Variants in TMEM135 observed in about 807,000 individuals in gnomAD.
The protein encoded by TMEM135 is peroxisomal membrane protein 52.
In TMEM135, 30 loss-of-function variants were observed where a neutral mutation model predicts 60.3. The ratio of observed to expected loss-of-function variants is 0.50; its 90% confidence interval spans 0.37 to 0.68. The LOEUF (loss-of-function observed/expected upper bound fraction) is 0.68, where lower values mean the gene tolerates loss of function less well. Among genes scored for constraint, TMEM135 ranks in the 30% least tolerant of loss-of-function variants. The pLI, the probability that TMEM135 is intolerant of heterozygous loss-of-function variation, is 0.00. For synonymous variants in TMEM135, 190 were observed against 186.7 expected, an observed-to-expected ratio of 1.02 and a Z score of -0.14; for missense variants, 468 against 548.8, an observed-to-expected ratio of 0.85 and a Z score of 1.47.
At chr11:87,094,091 T>C (rs1174319473) in intron 4 of TMEM135, among the ~76,000 whole-genome samples, 2 of 152,218 alleles carry the variant, frequency 1.3e-5, no homozygotes, top group African/African-American at 4.8e-5. Flanking sequence ...ATACTGATTT[T>C]ATACAAGGAA....
intron 4 of TMEM135, among the ~76,000 whole-genome samples, chr11:87,128,945 G>A (rs1025181315): frequency 6.6e-6 from 1 of 151,210 alleles, no homozygotes; most frequent in African/African-American, 2.4e-5. Flanking sequence ...AAACTCCAAT[G>A]AATTATTTCT....
chr11:87,187,881 G>C (rs1246283459), intron 5 of TMEM135, among the ~76,000 whole-genome samples: 1 of 152,120 alleles, frequency 6.6e-6, no homozygotes, highest in East Asian at 1.9e-4. Context: ...CTTATGCCTG[G>C]CTAGGGGCTG....
intron 6 of TMEM135, among the ~76,000 whole-genome samples, chr11:87,277,819 G>C (rs12289521): frequency 0.37 from 55,701 of 151,990 alleles, 10,872 homozygotes; most frequent in Non-Finnish European, 0.43. Flanking sequence ...ACCATGCCCG[G>C]CCAACTCTTA....
chr11:87,325,502 C>T lies in TMEM135; in HGVS notation c.*4169C>T, dbSNP rs779350096. The T allele has an allele frequency of 2.2e-6, 1 of 453,550 alleles. No homozygotes were observed. Among genetic ancestry groups the T allele is most frequent in the South Asian group, 1.6e-5 (1 of 64,410 alleles). The allele number at this position is 453,550 out of a possible 1,614,324, so 28.1% of individuals were successfully genotyped here. Reference sequence around the variant, plus strand: ...TGTTTTATGTGGGCTCTCTCTCTCTCCCTCTCTCTCTCTCTCTGTCTGTCT... The same window carrying T: ...TGTTTTATGTGGGCTCTCTCTCTCTTCCTCTCTCTCTCTCTCTGTCTGTCT... On this transcript the variant is annotated 3_prime_UTR_variant, in exon 15 of 15. Transcript: ENST00000305494.
intron 5 of TMEM135, among the ~76,000 whole-genome samples, chr11:87,217,356 T>C (rs1940524239): frequency 6.6e-6 from 1 of 152,172 alleles, no homozygotes; most frequent in South Asian, 2.1e-4. Context: ...AAGTTATATA[T>C]TTGAAGGGCT....
At chr11:87,281,038 A>T (rs113060757) in intron 6 of TMEM135, among the ~76,000 whole-genome samples, 1 of 152,214 alleles carries the variant, frequency 6.6e-6, no homozygotes, top group African/African-American at 2.4e-5. Context: ...GCCCCTATTT[A>T]GAGTATGTAT....
At chr11:87,184,974 T>C (rs894581202) in intron 5 of TMEM135, among the ~76,000 whole-genome samples, 2 of 152,164 alleles carry the variant, frequency 1.3e-5, no homozygotes, top group Non-Finnish European at 2.9e-5. Flanking sequence ...TTTAAACTTA[T>C]ACAAAAGTAA....
In TMEM135 at chr11:87,297,554, A is replaced by G. The variant is rs200669242; in HGVS notation, c.551+1731A>G. 4.6e-5 allele frequency among the ~76,000 whole-genome samples: 7 copies of G among 152,328 alleles called. No individual in the cohort carries two copies. The East Asian group carries it at 1.2e-3, about 25-fold the overall frequency. The stretch of plus-strand genomic sequence containing the variant: ...AACAAAAGTTAGGTTTTCAAAAGAG[A>G]AGGAAAAACTTAGTCTTGTTTTCCT... On this transcript the variant is annotated intron_variant, in intron 7 of 14. Coordinates refer to ENST00000305494, the MANE Select transcript of TMEM135 (RefSeq NM_022918.4).
chr11:87,268,647 A>G (rs756436654), intron 6 of TMEM135, among the ~76,000 whole-genome samples: 18 of 151,310 alleles, frequency 1.2e-4, no homozygotes, highest in Non-Finnish European at 2.2e-4. Context: ...GATTTAACAA[A>G]GAATTCTATT....
At chr11:87,105,320 G>T in intron 4 of TMEM135, among the ~76,000 whole-genome samples, 1 of 152,254 alleles carries the variant, frequency 6.6e-6, no homozygotes, top group Non-Finnish European at 1.5e-5. Context: ...GATCAGCAGC[G>T]GCATTAGATT....
intron 6 of TMEM135, among the ~76,000 whole-genome samples, chr11:87,276,526 A>G (rs1941969162): frequency 6.6e-6 from 1 of 151,732 alleles, no homozygotes; most frequent in South Asian, 2.1e-4. Flanking sequence ...ATATATACAC[A>G]CACATATATA....
intron 4 of TMEM135, among the ~76,000 whole-genome samples, chr11:87,146,069 T>G (rs1209747593): frequency 6.6e-6 from 1 of 152,228 alleles, no homozygotes; most frequent in Non-Finnish European, 1.5e-5. Flanking sequence ...CAGGCCTATG[T>G]TTAAGTCTTT....
At chr11:87,280,389 T>A (rs2135419645) in intron 6 of TMEM135, among the ~76,000 whole-genome samples, 1 of 152,324 alleles carries the variant, frequency 6.6e-6, no homozygotes, top group Middle Eastern at 3.4e-3. Flanking sequence ...TCAAATTCGT[T>A]TTTGGCATGG....
chr11:87,203,032 C>CAAAAAAAAAAAAAAAA (rs534909524), intron 5 of TMEM135, among the ~76,000 whole-genome samples: 14 of 33,590 alleles, frequency 4.2e-4, no homozygotes, highest in African/African-American at 1.2e-3. Context: ...GACTCCGTCT[C>CAAAAAAAAAAAAAAAA]AAAAAAAAAA....
chr11:87,070,875 C>T (rs975628477), intron 2 of TMEM135, among the ~76,000 whole-genome samples: 1 of 152,132 alleles, frequency 6.6e-6, no homozygotes, highest in Non-Finnish European at 1.5e-5. Context: ...TGAATGTCTA[C>T]CATGTGTTGA....
chr11:87,206,955 T>G (rs1451759952), intron 5 of TMEM135, among the ~76,000 whole-genome samples: 1 of 152,122 alleles, frequency 6.6e-6, no homozygotes, highest in Non-Finnish European at 1.5e-5. Flanking sequence ...TTAAAAAAAA[T>G]TATCCCCAGC....
At chr11:87,047,551 T>C (rs1292977304) in intron 1 of TMEM135, among the ~76,000 whole-genome samples, 3 of 135,226 alleles carry the variant, frequency 2.2e-5, no homozygotes, top group African/African-American at 3.0e-5. Context: ...AAGAAAGGGG[T>C]GATGGACGCA....
At chr11:87,192,934 G>T (rs1019642478) in intron 5 of TMEM135, among the ~76,000 whole-genome samples, 1 of 152,046 alleles carries the variant, frequency 6.6e-6, no homozygotes, top group African/African-American at 2.4e-5. Flanking sequence ...GGCCAACATG[G>T]GAAAACCCCG....
In TMEM135 at chr11:87,099,682, G is replaced by GTTTTTTTTTTTT. The variant is rs57019125; in HGVS notation, c.396+8296_396+8307dup. ...TATTGTGGTTACATGTTTCATGGTGGTTTTTTTTTTTTTTTTTTTTGAGGC... is the reference window on the plus strand; with the variant it reads ...TATTGTGGTTACATGTTTCATGGTGGTTTTTTTTTTTTTTTTTTTTTTTTTTTTTTTTGAGGC... On this transcript the variant is annotated intron_variant, in intron 4 of 14. Coordinates refer to ENST00000305494, the MANE Select transcript of TMEM135 (RefSeq NM_022918.4). 1.1e-3 allele frequency among the ~76,000 whole-genome samples: 122 copies of GTTTTTTTTTTTT among 109,360 alleles called. 3 individuals carry two copies. The highest frequency in any genetic ancestry group is 1.5e-3 in the Non-Finnish European group (82 of 54,086). The allele number at this position is 109,360 out of a possible 152,430, so 71.7% of individuals were successfully genotyped here.
Sources: allele counts gnomAD v4.1 joint callset (sites outside exome capture counted in the v4.1 genomes callset), GRCh38; gene constraint gnomAD v4.1.1; transcripts MANE v1.5; gene names NCBI Gene and HGNC (gene_info 2026-07-23, HGNC 2026-07-21).